Variants in RXRA observed in about 807,000 individuals in gnomAD.
RXRA encodes the protein retinoid X receptor alpha, also known as retinoic acid receptor RXR-alpha.
RXRA carries 5 observed loss-of-function variants against 44.5 expected under a neutral mutation model. The ratio of observed to expected loss-of-function variants is 0.11; its 90% CI spans 0.06 to 0.24. The LOEUF (loss-of-function observed/expected upper bound fraction) is 0.24. RXRA is among the 10% of genes least tolerant of loss of function. The pLI, the probability that RXRA is intolerant of heterozygous loss-of-function variation, is 1.00. For missense variants in RXRA, 412 were observed against 646.5 expected, an observed-to-expected ratio of 0.64 and a Z score of 3.93; for synonymous variants, 291 against 271.4, an observed-to-expected ratio of 1.07 and a Z score of -0.71.
intron 1 of RXRA, among the ~76,000 whole-genome samples, chr9:134,367,198 G>A (rs969375000): frequency 1.3e-5 from 2 of 152,122 alleles, no homozygotes; most frequent in Admixed American, 6.5e-5. Flanking sequence ...CTGCTGCAGT[G>A]CCCCGCCTGA....
At chr9:134,394,118 T>G (rs1588284218) in intron 1 of RXRA, among the ~76,000 whole-genome samples, 1 of 508 alleles carries the variant, frequency 2.0e-3, no homozygotes, top group South Asian at 0.071. Context: ...GTGGTGGTGG[T>G]GGTGATGATG....
In RXRA at chr9:134,401,719, C is replaced by G; in HGVS notation, c.116C>G (p.Pro39Arg). The part of the protein sequence containing the change: ...AAPSLHPSLG[P>R]GIGSPGQLHS... The stretch of plus-strand genomic sequence containing the variant: ...CCCTCGCTGCACCCGTCCCTGGGGC[C>G]TGGCATCGGCTCCCCGGGACAGCTG... The change falls in exon 2 of 10, where the codon CCT becomes CGT. Residue 39 changes from proline (P) to arginine (R), a missense_variant. Coordinates refer to ENST00000481739, the MANE Select transcript of RXRA (RefSeq NM_002957.6). The G allele has an allele frequency of 6.2e-7, 1 of 1,613,204 alleles. No homozygotes were observed. Among genetic ancestry groups the G allele is most frequent in the Non-Finnish European group, 8.5e-7 (1 of 1,180,002 alleles).
chr9:134,338,537 G>C (rs190044201), intron 1 of RXRA, among the ~76,000 whole-genome samples: 1 of 152,248 alleles, frequency 6.6e-6, no homozygotes, highest in African/African-American at 2.4e-5. Context: ...CCCCACGTGC[G>C]TCTGGCCGCA....
intron 1 of RXRA, among the ~76,000 whole-genome samples, chr9:134,386,258 G>A (rs558803514): frequency 3.3e-4 from 50 of 152,376 alleles, no homozygotes; most frequent in African/African-American, 1.1e-3. Flanking sequence ...CCCTGAGCCC[G>A]CCGGCCAGCG....
chr9:134,399,033 G>A (rs1320986078), intron 1 of RXRA, among the ~76,000 whole-genome samples: 1 of 152,272 alleles, frequency 6.6e-6, no homozygotes, highest in Non-Finnish European at 1.5e-5. Context: ...CCCAGCCCTG[G>A]TCCAGGCTCA....
At chr9:134,373,658 G>A (rs918734712) in intron 1 of RXRA, among the ~76,000 whole-genome samples, 4 of 152,084 alleles carry the variant, frequency 2.6e-5, no homozygotes, top group East Asian at 3.9e-4. Context: ...GGGAGGTGTC[G>A]GAGCCTACTG....
At chr9:134,411,583 G>C (rs1251662035) in intron 4 of RXRA, among the ~76,000 whole-genome samples, 1 of 152,254 alleles carries the variant, frequency 6.6e-6, no homozygotes, top group East Asian at 1.9e-4. Context: ...CCTCTTGGCA[G>C]CGCATAAGCC....
At chr9:134,405,197 A>G (rs1831030248) in intron 2 of RXRA, 1 of 152,284 alleles carries the variant, frequency 6.6e-6, no homozygotes, top group South Asian at 2.1e-4. Context: ...TGGGGCTGGA[A>G]GGGCGGAAGA....
At chr9:134,430,545 C>T in intron 7 of RXRA, among the ~76,000 whole-genome samples, 1 of 152,236 alleles carries the variant, frequency 6.6e-6, no homozygotes, top group East Asian at 1.9e-4. Flanking sequence ...GGGTTTGTGG[C>T]CGCAGACGGT....
At chr9:134,356,091 C>A (rs1203548900) in intron 1 of RXRA, among the ~76,000 whole-genome samples, 1 of 152,184 alleles carries the variant, frequency 6.6e-6, no homozygotes, top group African/African-American at 2.4e-5. Context: ...GCCTCCTTTC[C>A]CTGGTGACCT....
chr9:134,420,316 G>T (rs1361628668), intron 5 of RXRA, among the ~76,000 whole-genome samples: 1 of 152,222 alleles, frequency 6.6e-6, no homozygotes, highest in Non-Finnish European at 1.5e-5. Flanking sequence ...TGGCAGGCCT[G>T]GGGGGCGCTG....
At chr9:134,373,424 ACCCTGTGTTTTCC>A (rs1830514455) in intron 1 of RXRA, among the ~76,000 whole-genome samples, 2 of 152,158 alleles carry the variant, frequency 1.3e-5, no homozygotes, top group East Asian at 3.9e-4. Context: ...GTGGTCTCCA[ACCCTGTGTTTTCC>A]CAGGCCGTTG....
rs576431798 is a variant in RXRA, at chr9:134,364,132, C to T, written c.28+37473C>T. ...AGACTCCTCCACAACCGTGATGTTG[C>T]CCATTTCTTTTCCCCCCAAATCTCC... On this transcript the variant is annotated intron_variant, in intron 1 of 9. Coordinates refer to ENST00000481739, the MANE Select transcript of RXRA (RefSeq NM_002957.6). 4.6e-5 allele frequency among the ~76,000 whole-genome samples: 7 copies of T among 152,344 alleles called. 1 individual carries two copies. The South Asian group carries it at 1.4e-3, about 32-fold the overall frequency.
rs549832511 is a variant in RXRA, at chr9:134,438,091, C to A, written c.*1477C>A. ...TTGGCCTGAGTACTTTTCCCGTTCA[C>A]GCCTCAGTCCCGTGGACCCAGCCTT... is the stretch of plus-strand genomic sequence containing the variant. On this transcript the variant is annotated 3_prime_UTR_variant, in exon 10 of 10. Transcript: ENST00000481739. 6.6e-6 allele frequency: 1 copy of A among 152,610 alleles called. No individual in the cohort carries two copies. 9.5% of individuals were successfully genotyped at this position (152,610 alleles called of 1,614,324 possible).
chr9:134,435,344 C>A (rs1395807590), intron 9 of RXRA, among the ~76,000 whole-genome samples: 1 of 152,286 alleles, frequency 6.6e-6, no homozygotes, highest in East Asian at 1.9e-4. Context: ...GCCCTCATGC[C>A]TGGCCCTGCT....
At position 134,365,040 on chromosome 9, in the gene RXRA, G is replaced by A. The variant is rs926031207; in HGVS notation, c.29-36592G>A. 1.3e-5 allele frequency among the ~76,000 whole-genome samples: 2 copies of A among 152,242 alleles called. No individual in the cohort carries two copies. The highest frequency in any genetic ancestry group is 2.9e-5 in the Non-Finnish European group (2 of 68,046). ...CCCTGTCCCGGTTGCCCAGCTGGGG[G>A]ATGGGGCAGGCCCACAGCTTCTGGG... is the stretch of plus-strand genomic sequence containing the variant. On this transcript the variant is annotated intron_variant, in intron 1 of 9. Coordinates refer to ENST00000481739, the MANE Select transcript of RXRA (RefSeq NM_002957.6). The surrounding 1 kb of genome is among the most constrained non-coding windows in gnomAD (Gnocchi z 4.0).
rs977799486 is a variant in RXRA at position 134,365,425 on chromosome 9, G to A, written c.29-36207G>A. On this transcript the variant is annotated intron_variant, in intron 1 of 9. Transcript: ENST00000481739. The surrounding 1 kb of genome is among the most constrained non-coding windows in gnomAD (Gnocchi z 4.0). ...GGATTTGGCGGGTAACGCTCGTGGT[G>A]TGTCCTGGTGTGAGACCCGGTGTTC... Among the ~76,000 whole-genome samples the A allele has an allele frequency of 2.6e-5, 4 of 152,204 alleles. No homozygotes were observed. Among genetic ancestry groups the A allele is most frequent in the Non-Finnish European group, 4.4e-5 (3 of 68,030 alleles).
intron 1 of RXRA, among the ~76,000 whole-genome samples, chr9:134,327,158 C>G (rs1554746137): frequency 6.6e-6 from 1 of 152,130 alleles, no homozygotes; most frequent in Non-Finnish European, 1.5e-5. Flanking sequence ...AGGAAACAGA[C>G]TGGGACCCTG....
At chr9:134,373,510 G>A (rs1325121278) in intron 1 of RXRA, among the ~76,000 whole-genome samples, 1 of 152,264 alleles carries the variant, frequency 6.6e-6, no homozygotes, top group African/African-American at 2.4e-5. Context: ...GCGGTCCTTG[G>A]CCACGAGGTG....
Sources: gnomAD v4.1 joint callset for allele counts (sites outside exome capture counted in the v4.1 genomes callset) on GRCh38, gnomAD v4.1.1 for gene constraint, Gnocchi (gnomAD v3.1) non-coding constraint, MANE v1.5 for transcripts, NCBI Gene and HGNC (gene_info 2026-07-23, HGNC 2026-07-21) for gene names.